DCTN4: variants seen among roughly 807,000 people sequenced by gnomAD.
The protein encoded by DCTN4 is dynactin subunit 4.
In DCTN4, 23 loss-of-function variants were observed where a neutral mutation model predicts 62.7. The ratio of observed to expected loss-of-function variants is 0.37; its 90% CI spans 0.26 to 0.52. The LOEUF (loss-of-function observed/expected upper bound fraction) is 0.52. Ranked by LOEUF, DCTN4 falls within the 20% of genes least tolerant of loss-of-function variation. DCTN4 has a pLI of 0.92. For missense variants in DCTN4, 514 were observed against 580.4 expected (o/e 0.89, Z 1.18); for synonymous variants, 199 against 202.1 (o/e 0.98, Z 0.13).
In DCTN4 at chr5:150,715,609, C is replaced by T. The variant is rs1215858832; in HGVS notation, c.1125G>A (p.Glu375=). The change falls in exon 12 of 13, where the codon GAG becomes GAA. Residue 375 remains glutamate, a synonymous_variant. Transcript: ENST00000447998. Reference sequence around the variant, plus strand: ...CTTGAGGTTCTGCCAACTCATCGTACTCTGCTGCTGCATCCTTGCCAGCTA... The same window carrying T: ...CTTGAGGTTCTGCCAACTCATCGTATTCTGCTGCTGCATCCTTGCCAGCTA... The part of the protein sequence containing the change: ...LVLAGKDAAA[E]YDELAEPQDF... The T allele has an allele frequency of 7.4e-6, 12 of 1,614,208 alleles. No individual in the cohort carries two copies. In the East Asian group the frequency reaches 2.7e-4, roughly 36 times the overall value.
At chr5:150,751,159 G>A (rs184455503) in intron 3 of DCTN4, among the ~76,000 whole-genome samples, 1 of 152,198 alleles carries the variant, frequency 6.6e-6, no homozygotes, top group Admixed American at 6.5e-5. Context: ...TAATCTCATT[G>A]TAAGTTTTTC....
intron 8 of DCTN4, among the ~76,000 whole-genome samples, chr5:150,729,326 A>G (rs1188161923): frequency 6.6e-6 from 1 of 151,876 alleles, no homozygotes; most frequent in Non-Finnish European, 1.5e-5. Context: ...CCATCACCCA[A>G]CTTCAACGAT....
intron 10 of DCTN4, among the ~76,000 whole-genome samples, chr5:150,718,885 C>G (rs1052029631): frequency 4.6e-5 from 7 of 152,168 alleles, no homozygotes; most frequent in African/African-American, 1.7e-4. Context: ...GTGGCATGAT[C>G]ATGGCTCACT....
chr5:150,727,797 A>C lies in DCTN4; in HGVS notation c.834+2834T>G, dbSNP rs916854000. On this transcript the variant is annotated intron_variant, in intron 8 of 12. Coordinates refer to ENST00000447998, the MANE Select transcript of DCTN4 (RefSeq NM_016221.4). ...TCTCAAAAAAAAAAAAAAAAAAAAA[A>C]CAAAAAACCCAATAAGCTTCCTGAT... 1.1e-4 allele frequency among the ~76,000 whole-genome samples: 11 copies of C among 101,480 alleles called. No individual in the cohort carries two copies. In the East Asian group the frequency reaches 2.9e-3, roughly 27 times the overall value. 66.6% of individuals were successfully genotyped at this position (101,480 alleles called of 152,430 possible). A position where few individuals can be genotyped will look rare whatever the true frequency, so the allele number is the denominator to read the frequency against.
chr5:150,744,142 T>C (rs201872669), intron 3 of DCTN4, among the ~76,000 whole-genome samples: 2 of 152,092 alleles, frequency 1.3e-5, no homozygotes, highest in South Asian at 4.1e-4. Flanking sequence ...ACATGAAGAA[T>C]GCAGAAGCCT....
At position 150,731,100 on chromosome 5, in the gene DCTN4, T is replaced by G. The variant is rs948550308; in HGVS notation, c.668A>C (p.Asp223Ala). ...EIKIEPAQAVDEVEPLPEDYY... is the reference protein window; with the variant it reads ...EIKIEPAQAVAEVEPLPEDYY... ...GTCTTCAGGTAGAGGTTCCACTTCA[T>G]CCACAGCCTGAGCTGGCTCAATCTT... Residue 223 changes from aspartate to alanine, a missense_variant, in exon 7 of 13, where the codon GAT becomes GCT. By Grantham distance (126) the Asp-to-Ala change is moderately radical. Transcript: ENST00000447998. 6.2e-7 allele frequency: 1 copy of G among 1,613,486 alleles called. No individual in the cohort carries two copies. Among genetic ancestry groups the G allele is most frequent in the Non-Finnish European group, 8.5e-7 (1 of 1,179,400 alleles).
At chr5:150,755,418 A>G (rs1752822600) in intron 2 of DCTN4, 1 of 405,852 alleles carries the variant, frequency 2.5e-6, no homozygotes, top group Admixed American at 3.2e-5. Context: ...GTAACTTTAC[A>G]GTGGAGAAAC....
Position 150,730,138 on chromosome 5 carries a change from CT to C in DCTN4, c.834+492del, listed in dbSNP as rs138905765. Among the ~76,000 whole-genome samples the C allele has an allele frequency of 5.1e-4, 78 of 152,322 alleles. 1 individual carries two copies. Among genetic ancestry groups the C allele is most frequent in the Admixed American group, 1.2e-3 (18 of 15,302 alleles). On this transcript the variant is annotated intron_variant, in intron 8 of 12. Transcript: ENST00000447998. ...TGCGGGACTGTACAGACACAGAATACTTCCATCACCATAGAAAGTTCTGTTG... is the reference window on the plus strand; with the variant it reads ...TGCGGGACTGTACAGACACAGAATACTCCATCACCATAGAAAGTTCTGTTG...
intron 11 of DCTN4, among the ~76,000 whole-genome samples, chr5:150,716,608 C>T (rs1759766254): frequency 6.6e-6 from 1 of 152,156 alleles, no homozygotes; most frequent in Middle Eastern, 3.4e-3. Flanking sequence ...TTAACTGGAG[C>T]TGCTTATTAG....
In DCTN4 at chr5:150,710,200, T is replaced by C. The variant is rs1444439502; in HGVS notation, c.*949A>G. On this transcript the variant is annotated 3_prime_UTR_variant, in exon 13 of 13. Transcript: ENST00000447998. Reference sequence around the variant, plus strand: ...ATGCTAGTTGAGAATATTCTAAAAATCTAGCCTTTAAAATGTTTTCTGCAT... The same window carrying C: ...ATGCTAGTTGAGAATATTCTAAAAACCTAGCCTTTAAAATGTTTTCTGCAT... 1 of 152,384 alleles carries C rather than the reference T, an allele frequency of 6.6e-6. No homozygotes were observed. The highest frequency in any genetic ancestry group is 1.9e-4 in the East Asian group (1 of 5,334). The allele number at this position is 152,384 out of a possible 1,614,324, so 9.4% of individuals were successfully genotyped here.
chr5:150,758,881 G>A lies in DCTN4; in HGVS notation c.113C>T (p.Ser38Leu). 1 of 1,613,796 alleles carries A rather than the reference G, an allele frequency of 6.2e-7. No individual in the cohort carries two copies. The highest frequency in any genetic ancestry group is 8.5e-7 in the Non-Finnish European group (1 of 1,179,972). Residue 38 changes from serine (S) to leucine (L), a missense_variant, in exon 1 of 13, where the codon TCG becomes TTG. Transcript: ENST00000447998. Reference sequence around the variant, plus strand: ...TACCTCGTGAGACACACATTCCAGCGACCGCAGTTCGCTACAATAGCGGCA... The same window carrying A: ...TACCTCGTGAGACACACATTCCAGCAACCGCAGTTCGCTACAATAGCGGCA... ...YFCRYCSELR[S>L]LECVSHEVDS... is the part of the protein sequence containing the mutation.
At chr5:150,730,141 C>T (rs998425930) in intron 8 of DCTN4, among the ~76,000 whole-genome samples, 2 of 152,212 alleles carry the variant, frequency 1.3e-5, no homozygotes, top group East Asian at 1.9e-4. Context: ...CAGAATACTT[C>T]CATCACCATA....
Position 150,709,114 on chromosome 5 carries a change from T to C in DCTN4, c.*2035A>G, listed in dbSNP as rs750303287. On this transcript the variant is annotated 3_prime_UTR_variant, in exon 13 of 13. Coordinates refer to ENST00000447998, the MANE Select transcript of DCTN4 (RefSeq NM_016221.4). ...ATTCCTAATTCACCAGCTGCAGGTA[T>C]TGAATCATTTCTACGAACACACAGA... 8.2e-4 allele frequency: 125 copies of C among 152,922 alleles called. No homozygotes were observed. The highest frequency in any genetic ancestry group is 9.1e-4 in the Non-Finnish European group (62 of 68,052). 9.5% of individuals were successfully genotyped at this position (152,922 alleles called of 1,614,324 possible).
intron 3 of DCTN4, 143 bp from the exon 4 acceptor site, chr5:150,742,300 T>C (rs972550230): frequency 1.3e-6 from 1 of 777,272 alleles, no homozygotes; most frequent in Non-Finnish European, 2.1e-6. Flanking sequence ...TAGACTATAA[T>C]GTTCAGAACA....
At chr5:150,743,731 G>C (rs1760855641) in intron 3 of DCTN4, among the ~76,000 whole-genome samples, 1 of 152,204 alleles carries the variant, frequency 6.6e-6, no homozygotes, top group Non-Finnish European at 1.5e-5. Context: ...CAGACCTGCA[G>C]CTGAGGGTCC....
chr5:150,718,695 C>A (rs1183451706), intron 10 of DCTN4, among the ~76,000 whole-genome samples: 2 of 152,168 alleles, frequency 1.3e-5, no homozygotes, highest in African/African-American at 4.8e-5. Context: ...CTCACCCAGG[C>A]TGCCACTTAA....
rs552544975 is a variant in DCTN4 at position 150,724,755 on chromosome 5, GCATA to G, written c.835-1779_835-1776del. Among the ~76,000 whole-genome samples, 1,247 of 152,210 alleles carry G rather than the reference GCATA, an allele frequency of 8.2e-3. 14 individuals are homozygous for G. The highest frequency in any genetic ancestry group is 0.011 in the Non-Finnish European group (777 of 68,016). ...TTCTCATATGCATGGGTCTACGTCT[GCATA>G]CATATAGACACACTTTTTTTTGTTT... On this transcript the variant is annotated intron_variant, in intron 8 of 12. Transcript: ENST00000447998.
intron 12 of DCTN4, among the ~76,000 whole-genome samples, chr5:150,713,193 A>G (rs1234735730): frequency 6.6e-6 from 1 of 152,228 alleles, no homozygotes; most frequent in Admixed American, 6.5e-5. Flanking sequence ...GGTAAAAAGA[A>G]AAACATCAGT....
At chr5:150,750,810 G>T (rs1752643898) in intron 3 of DCTN4, among the ~76,000 whole-genome samples, 1 of 152,214 alleles carries the variant, frequency 6.6e-6, no homozygotes, top group Non-Finnish European at 1.5e-5. Context: ...CAGAGAGGAA[G>T]ATAAAGTAGG....
Sources: allele counts gnomAD v4.1 joint callset (sites outside exome capture counted in the v4.1 genomes callset), GRCh38; gene constraint gnomAD v4.1.1; transcripts MANE v1.5; gene names NCBI Gene and HGNC (gene_info 2026-07-23, HGNC 2026-07-21).